IQSEC1: variants seen among roughly 807,000 people sequenced by gnomAD.
The protein encoded by IQSEC1 is IQ motif and SEC7 domain-containing protein 1.
Under a neutral mutation model 91.0 loss-of-function variants are expected in IQSEC1, and 31 were observed. The observed-to-expected ratio is 0.34, with a 90% CI of 0.26 to 0.46. The LOEUF (loss-of-function observed/expected upper bound fraction) is 0.46, where lower values mean the gene tolerates loss of function less well. Ranked by LOEUF, IQSEC1 falls within the 20% of genes least tolerant of loss-of-function variation. The pLI, the probability that IQSEC1 is intolerant of heterozygous loss-of-function variation, is 1.00. For missense variants in IQSEC1, 1,388 were observed against 1,575.6 expected, an observed-to-expected ratio of 0.88 and a Z score of 2.02; for synonymous variants, 699 against 662.6, an observed-to-expected ratio of 1.05 and a Z score of -0.84.
chr3:12,973,250 C>T (rs1559688616), intron 1 of IQSEC1, among the ~76,000 whole-genome samples: 2 of 152,206 alleles, frequency 1.3e-5, no homozygotes, highest in South Asian at 2.1e-4. Context: ...CCCTGCAACG[C>T]AGCCACTCCC....
chr3:12,936,552 C>A lies in IQSEC1; in HGVS notation c.464G>T (p.Arg155Leu). 1.2e-6 allele frequency: 2 copies of A among 1,613,440 alleles called. No individual in the cohort carries two copies. Among genetic ancestry groups the A allele is most frequent in the Non-Finnish European group, 8.5e-7 (1 of 1,180,028 alleles). The change falls in exon 3 of 14, where the codon CGG becomes CTG. Residue 155 changes from arginine (R) to leucine (L), a missense_variant. Physicochemically the swap from Arg to Leu is moderately radical, Grantham distance 102. Transcript: ENST00000613206. Reference protein sequence around the residue: ...SSMSENRMSRRIVLSNMRMQF... With the variant: ...SSMSENRMSRLIVLSNMRMQF... ...CATCCTCATGTTGGACAGCACAATC[C>A]GGCGTGACATGCGGTTCTCTGACAT... is the stretch of plus-strand genomic sequence containing the variant.
intron 7 of IQSEC1, 71 bp downstream of exon 7, chr3:12,915,523 T>G (rs1695996808): frequency 4.5e-6 from 7 of 1,538,690 alleles, no homozygotes; most frequent in Non-Finnish European, 6.2e-6. Flanking sequence ...TGGGTGGGAG[T>G]GAGAAGGCCT....
intron 1 of IQSEC1, among the ~76,000 whole-genome samples, chr3:13,267,621 CTT>C (rs559615780): frequency 0.048 from 6,449 of 134,458 alleles, 509 homozygotes; most frequent in African/African-American, 0.17. Context: ...TTTTCTTTTT[CTT>C]TTTTTTTTTT....
chr3:12,915,573 G>A (rs200988600), intron 7 of IQSEC1, 21 bp downstream of exon 7: 1,328 of 1,611,012 alleles, frequency 8.2e-4, no homozygotes, highest in Non-Finnish European at 9.8e-4. Context: ...GGCCCACCAC[G>A]TACCAGGGCC....
chr3:13,092,674 C>T (rs1705883840), intron 2 of IQSEC1, among the ~76,000 whole-genome samples: 1 of 152,146 alleles, frequency 6.6e-6, no homozygotes, highest in African/African-American at 2.4e-5. Flanking sequence ...ATTTCTGTTC[C>T]CTCACCAGAA....
chr3:12,904,190 C>T (rs1694707017), intron 12 of IQSEC1, among the ~76,000 whole-genome samples: 2 of 152,230 alleles, frequency 1.3e-5, no homozygotes, highest in Admixed American at 6.5e-5. Flanking sequence ...CTGGGCTGTG[C>T]CTTGGCATGG....
intron 12 of IQSEC1, among the ~76,000 whole-genome samples, chr3:12,907,819 C>A (rs1050616055): frequency 1.1e-4 from 17 of 152,238 alleles, no homozygotes; most frequent in Admixed American, 9.8e-4. Context: ...CTTTCCCGGA[C>A]CCCGGAGCCA....
At chr3:13,128,379 A>G (rs1202493222) in intron 2 of IQSEC1, among the ~76,000 whole-genome samples, 1 of 152,158 alleles carries the variant, frequency 6.6e-6, no homozygotes, top group Admixed American at 6.5e-5. Flanking sequence ...TTTCTTAATC[A>G]TGCATGGGCA....
intron 2 of IQSEC1, among the ~76,000 whole-genome samples, chr3:13,140,215 C>T (rs963954243): frequency 5.9e-5 from 9 of 152,176 alleles, no homozygotes; most frequent in African/African-American, 1.2e-4. Context: ...GCTCAACACA[C>T]AGTGGGTTCA....
chr3:12,913,076 A>G (rs949296788), intron 9 of IQSEC1, among the ~76,000 whole-genome samples: 46 of 152,254 alleles, frequency 3.0e-4, no homozygotes, highest in Non-Finnish European at 6.8e-4. Context: ...AGACAGGATC[A>G]GGTCTGGAGC....
chr3:12,991,443 C>T (rs143830394), intron 1 of IQSEC1, among the ~76,000 whole-genome samples: 152 of 152,330 alleles, frequency 1.0e-3, no homozygotes, highest in Middle Eastern at 6.8e-3. Flanking sequence ...GGACCCCAGT[C>T]TACACGGACC....
chr3:12,960,416 C>T (rs1347784619), intron 1 of IQSEC1: 1 of 152,226 alleles, frequency 6.6e-6, no homozygotes, highest in Non-Finnish European at 1.5e-5. Context: ...GAACCCAATG[C>T]TGCCACTGGA....
intron 1 of IQSEC1, among the ~76,000 whole-genome samples, chr3:13,188,392 T>A (rs1052512224): frequency 6.6e-6 from 1 of 152,190 alleles, no homozygotes; most frequent in Non-Finnish European, 1.5e-5. Context: ...GCAGGGAGGA[T>A]CACGGTAAGA....
intron 1 of IQSEC1, among the ~76,000 whole-genome samples, chr3:13,018,293 G>A (rs1309144562): frequency 6.6e-6 from 1 of 152,112 alleles, no homozygotes; most frequent in Non-Finnish European, 1.5e-5. Context: ...AAGGCTGGCT[G>A]CCAGCTGAGC....
rs1249231127 is a variant in IQSEC1 at position 13,262,565 on chromosome 3, G to T, written c.272+20146C>A. Among the ~76,000 whole-genome samples the T allele has an allele frequency of 2.0e-5, 3 of 152,334 alleles. 1 individual carries two copies. The highest frequency in any genetic ancestry group is 4.1e-4 in the South Asian group (2 of 4,830). On this transcript the variant is annotated intron_variant, in intron 1 of 15. Transcript: ENST00000648114. ...ACCCAGCAACCCCATTTCCTGGTAT[G>T]TTCCCCCAAAAGAACTGAAAGCAGG...
At chr3:12,929,159 C>T (rs762056939) in intron 3 of IQSEC1, among the ~76,000 whole-genome samples, 2 of 152,206 alleles carry the variant, frequency 1.3e-5, no homozygotes, top group African/African-American at 2.4e-5. Flanking sequence ...GGTGAGTGAA[C>T]TTAGCCTTTC....
upstream of IQSEC1, among the ~76,000 whole-genome samples, chr3:13,077,079 A>G (rs1705575334): frequency 6.7e-6 from 1 of 150,226 alleles, no homozygotes; most frequent in South Asian, 2.1e-4. Context: ...CCCAGGCTGG[A>G]GTGCAGTGGC....
chr3:13,150,243 G>A (rs1161324775), intron 2 of IQSEC1, among the ~76,000 whole-genome samples: 1 of 152,204 alleles, frequency 6.6e-6, no homozygotes, highest in African/African-American at 2.4e-5. Context: ...TGCATAGGCT[G>A]GAAGGCATCT....
intron 1 of IQSEC1, among the ~76,000 whole-genome samples, chr3:13,064,172 A>G (rs983217793): frequency 6.6e-6 from 1 of 152,180 alleles, no homozygotes; most frequent in African/African-American, 2.4e-5. Context: ...GCCTGCATAC[A>G]TGATACGCCT....
Sources: allele counts gnomAD v4.1 joint callset (sites outside exome capture counted in the v4.1 genomes callset), GRCh38; gene constraint gnomAD v4.1.1; transcripts MANE v1.5; gene names NCBI Gene and HGNC (gene_info 2026-07-23, HGNC 2026-07-21).